The following LRRC8C variants were observed in gnomAD, a reference collection of about 807,000 sequenced individuals.
The protein encoded by LRRC8C is leucine rich repeat containing 8 VRAC subunit C.
In LRRC8C, 20 loss-of-function variants were observed where a neutral mutation model predicts 55.3. The observed-to-expected ratio is 0.36, with a 90% CI of 0.25 to 0.53. The LOEUF (loss-of-function observed/expected upper bound fraction) is 0.53. Among genes scored for constraint, LRRC8C ranks in the 20% least tolerant of loss-of-function variants. LRRC8C has a pLI of 0.92. For synonymous variants in LRRC8C, 376 were observed against 360.7 expected, an observed-to-expected ratio of 1.04 and a Z score of -0.48; for missense variants, 659 against 951.4, an observed-to-expected ratio of 0.69 and a Z score of 4.04.
rs182687125 is a variant in LRRC8C, at chr1:89,700,801, T to G, written c.139-11908T>G. Among the ~76,000 whole-genome samples the G allele has an allele frequency of 2.0e-5, 3 of 152,238 alleles. No individual in the cohort carries two copies. In the East Asian group the frequency reaches 5.8e-4, roughly 29 times the overall value. ...GCCTTATATTGGCCACTTGCCTTTT[T>G]GTGGCTCCACTCTACCTGTTTGGAT... On this transcript the variant is annotated intron_variant, in intron 2 of 2. Transcript: ENST00000370454.
intron 1 of LRRC8C, among the ~76,000 whole-genome samples, chr1:89,633,866 C>CT (rs1305988043): frequency 1.3e-5 from 2 of 152,188 alleles, no homozygotes; most frequent in African/African-American, 4.8e-5. Context: ...AGGGGTTCAG[C>CT]TTGATCGGGC....
At chr1:89,628,797 G>A (rs941039656), upstream of LRRC8C, among the ~76,000 whole-genome samples, 2 of 152,212 alleles carry the variant, frequency 1.3e-5, no homozygotes, top group Non-Finnish European at 2.9e-5. Flanking sequence ...GGAGGGAGAA[G>A]ATTAGAGTAA....
chr1:89,664,339 C>T (rs1048382650), intron 1 of LRRC8C, among the ~76,000 whole-genome samples: 5 of 152,148 alleles, frequency 3.3e-5, no homozygotes, highest in Admixed American at 1.3e-4. Flanking sequence ...GGAAGGGGTG[C>T]AGTTTCAGTT....
chr1:89,633,594 C>T (rs1207387262), intron 1 of LRRC8C, among the ~76,000 whole-genome samples: 3 of 152,174 alleles, frequency 2.0e-5, no homozygotes, highest in African/African-American at 4.8e-5. Flanking sequence ...GCGCCCAACG[C>T]CGCGCCGCAG....
intron 2 of LRRC8C, chr1:89,706,307 T>TA (rs778286548): frequency 2.4e-5 from 11 of 456,256 alleles, no homozygotes; most frequent in African/African-American, 6.0e-5. Context: ...TTCAGGCAGT[T>TA]TCTCTGAAGC....
At chr1:89,688,618 C>G (rs1657945352) in intron 2 of LRRC8C, among the ~76,000 whole-genome samples, 1 of 152,154 alleles carries the variant, frequency 6.6e-6, no homozygotes, top group South Asian at 2.1e-4. Flanking sequence ...GAGGGAACAG[C>G]AAGAGCAAGA....
intron 1 of LRRC8C, among the ~76,000 whole-genome samples, chr1:89,658,554 C>T (rs889143568): frequency 5.8e-4 from 89 of 152,240 alleles, no homozygotes; most frequent in African/African-American, 2.0e-3. Flanking sequence ...GCTATGTCCT[C>T]ATTTTAAGGA....
intron 1 of LRRC8C, among the ~76,000 whole-genome samples, chr1:89,680,516 G>C (rs1445228071): frequency 7.2e-6 from 1 of 139,580 alleles, no homozygotes; most frequent in East Asian, 2.2e-4. Flanking sequence ...TGAATTGGTA[G>C]TTGATAAGTG....
intron 2 of LRRC8C, among the ~76,000 whole-genome samples, chr1:89,693,792 G>A (rs1367380717): frequency 1.3e-5 from 2 of 151,164 alleles, no homozygotes; most frequent in African/African-American, 4.9e-5. Context: ...GAGTAGCTGG[G>A]TTTACAAGCA....
At chr1:89,705,834 T>G (rs1658466230) in intron 2 of LRRC8C, among the ~76,000 whole-genome samples, 1 of 151,906 alleles carries the variant, frequency 6.6e-6, no homozygotes, top group Non-Finnish European at 1.5e-5. Flanking sequence ...AGCAAAAAAA[T>G]AAAATACATA....
Position 89,697,512 on chromosome 1 carries a change from C to T in LRRC8C, c.138+10901C>T, listed in dbSNP as rs113207543. Among the ~76,000 whole-genome samples, 529 of 152,246 alleles carry T rather than the reference C, an allele frequency of 3.5e-3. 7 individuals are homozygous for T. The highest frequency in any genetic ancestry group is 0.012 in the African/African-American group (501 of 41,538). On this transcript the variant is annotated intron_variant, in intron 2 of 2. Coordinates refer to ENST00000370454, the MANE Select transcript of LRRC8C (RefSeq NM_032270.5). ...GGGCATTGCTTCAAAAAGAGTTTTT[C>T]CTGTATTATTTTAAGAGCATAATTA...
Position 89,714,761 on chromosome 1 carries a change from C to G in LRRC8C, c.2191C>G (p.Leu731Val), listed in dbSNP as rs1344663694. ...LPDELYFCKK[L>V]KTLKIGKNSL... ...AGATGAACTCTACTTCTGCAAGAAACTTAAAACTCTGAAGATTGGAAAAAA... is the reference window on the plus strand; with the variant it reads ...AGATGAACTCTACTTCTGCAAGAAAGTTAAAACTCTGAAGATTGGAAAAAA... Residue 731 changes from leucine (L) to valine (V), a missense_variant, in exon 3 of 3, where the codon CTT becomes GTT. By Grantham distance (32) the Leu-to-Val change is conservative. Coordinates refer to ENST00000370454, the MANE Select transcript of LRRC8C (RefSeq NM_032270.5). This position sits in a 1 kb window ranked among gnomAD's most constrained non-coding sequence, Gnocchi z 4.6. The G allele has an allele frequency of 6.2e-6, 10 of 1,613,818 alleles. No individual in the cohort carries two copies. Among genetic ancestry groups the G allele is most frequent in the Non-Finnish European group, 3.4e-6 (4 of 1,179,914 alleles).
At position 89,717,603 on chromosome 1, in the gene LRRC8C, T is replaced by TA. The variant is rs1440815133; in HGVS notation, c.*2623dup. 2.0e-5 allele frequency: 3 copies of TA among 152,150 alleles called. No homozygotes were observed. Among genetic ancestry groups the TA allele is most frequent in the African/African-American group, 7.2e-5 (3 of 41,440 alleles). The allele number at this position is 152,150 out of a possible 1,614,324, so 9.4% of individuals were successfully genotyped here. A position where few individuals can be genotyped will look rare whatever the true frequency, so the allele number is the denominator to read the frequency against. The stretch of plus-strand genomic sequence containing the variant: ...TATAAACCTTCAAAAGTCTGAAACT[T>TA]AATTTTGAGTCTAAATTTTCTGACA... On this transcript the variant is annotated 3_prime_UTR_variant, in exon 3 of 3. Transcript: ENST00000370454.
intron 2 of LRRC8C, among the ~76,000 whole-genome samples, chr1:89,704,785 G>C (rs374967674): frequency 6.6e-6 from 1 of 152,138 alleles, no homozygotes; most frequent in Non-Finnish European, 1.5e-5. Flanking sequence ...AGGTACTGGA[G>C]AGGATGTGGA....
the LRRC8C span, among the ~76,000 whole-genome samples, chr1:89,618,839 T>C: frequency 6.6e-6 from 1 of 152,238 alleles, no homozygotes; most frequent in Non-Finnish European, 1.5e-5. Flanking sequence ...TCAGGACCTG[T>C]GTCTTAATTT....
the LRRC8C span, among the ~76,000 whole-genome samples, chr1:89,626,061 A>G: frequency 6.6e-6 from 1 of 152,248 alleles, no homozygotes; most frequent in South Asian, 2.1e-4. Flanking sequence ...GGGTACAGCC[A>G]GTCATTTGTA....
rs961296087 is a variant in LRRC8C, at chr1:89,656,688, A to T, written c.-5+23366A>T. Among the ~76,000 whole-genome samples, 46 of 152,242 alleles carry T rather than the reference A, an allele frequency of 3.0e-4. 2 individuals are homozygous for T. The highest frequency in any genetic ancestry group is 9.9e-4 in the African/African-American group (41 of 41,468). On this transcript the variant is annotated intron_variant, in intron 1 of 2. Coordinates refer to ENST00000370454, the MANE Select transcript of LRRC8C (RefSeq NM_032270.5). ...CAATTCTTGAGGCAATGGAAAAAAT[A>T]GCAAATGTTTTCAAGAGGACACCAC...
At chr1:89,685,090 T>C (rs1657829871) in intron 1 of LRRC8C, among the ~76,000 whole-genome samples, 2 of 148,548 alleles carry the variant, frequency 1.3e-5, no homozygotes. Flanking sequence ...ATGTTTATTG[T>C]CTATCTAGTT....
chr1:89,676,146 T>C (rs1396317451), intron 1 of LRRC8C: 1 of 152,244 alleles, frequency 6.6e-6, no homozygotes, highest in Non-Finnish European at 1.5e-5. Flanking sequence ...CTCAGTGAGA[T>C]TTAGAAAAGC....
Sources: allele counts gnomAD v4.1 joint callset (sites outside exome capture counted in the v4.1 genomes callset), GRCh38; gene constraint gnomAD v4.1.1; non-coding constraint Gnocchi (gnomAD v3.1); transcripts MANE v1.5; gene names NCBI Gene and HGNC (gene_info 2026-07-23, HGNC 2026-07-21).